EVI5L: variants seen among roughly 807,000 people sequenced by gnomAD.
EVI5L encodes EVI5-like protein.
EVI5L carries 30 observed loss-of-function variants against 106.1 expected under a neutral mutation model. That is an observed-to-expected ratio of 0.28 (90% CI 0.21 to 0.38). EVI5L has a LOEUF of 0.38. Among genes scored for constraint, EVI5L ranks in the 10% least tolerant of loss-of-function variants. The probability of loss-of-function intolerance (pLI) is 1.00; values close to 1 mark genes in which losing one functional copy is unlikely to be tolerated. For synonymous variants in EVI5L, 489 were observed against 483.3 expected (o/e 1.01, Z -0.15); for missense variants, 809 against 1,098.0 (o/e 0.74, Z 3.72).
intron 10 of EVI5L, 186 bp downstream of exon 10, chr19:7,853,519 C>T: frequency 1.3e-6 from 1 of 750,626 alleles, no homozygotes; most frequent in Admixed American, 2.8e-5. Context: ...GTGAGCGCCT[C>T]CCCCGCCTGA....
At chr19:7,860,714 G>T in intron 14 of EVI5L, 25 bp downstream of exon 14, 1 of 1,555,184 alleles carries the variant, frequency 6.4e-7, no homozygotes, top group South Asian at 1.2e-5. Context: ...CAGACGGGCA[G>T]GTGTCGGGGG....
chr19:7,838,356 C>T (rs558829038), intron 1 of EVI5L, among the ~76,000 whole-genome samples: 27 of 152,270 alleles, frequency 1.8e-4, no homozygotes, highest in African/African-American at 4.3e-4. Context: ...AGTGATCCGC[C>T]GGCCTTGGCC....
intron 1 of EVI5L, among the ~76,000 whole-genome samples, chr19:7,833,348 G>A (rs1040642089): frequency 3.3e-5 from 5 of 152,236 alleles, no homozygotes; most frequent in South Asian, 4.1e-4. Flanking sequence ...CCCCCGCCAT[G>A]TGCTCAGCAC....
intron 1 of EVI5L, among the ~76,000 whole-genome samples, chr19:7,836,024 G>A (rs1022783850): frequency 3.3e-5 from 5 of 151,930 alleles, no homozygotes; most frequent in African/African-American, 1.2e-4. Context: ...ATCACCTGAG[G>A]TTAGGAGTTC....
Position 7,851,439 on chromosome 19 carries a change from G to A in EVI5L, c.759G>A (p.Gln253=). Residue 253 remains glutamine, a synonymous_variant, in exon 7 of 20, where the codon CAG becomes CAA. Coordinates refer to ENST00000538904, the MANE Select transcript of EVI5L (RefSeq NM_001159944.3). ...IYQFEYMLQE[Q]LPDLNTHFRS... ...CCGGCCTCCCACCCCTGCAGGAGCA[G>A]CTCCCAGACCTCAACACCCACTTCC... is the stretch of plus-strand genomic sequence containing the variant. 1 of 1,610,322 alleles carries A rather than the reference G, an allele frequency of 6.2e-7. No individual in the cohort carries two copies. Among genetic ancestry groups the A allele is most frequent in the Non-Finnish European group, 8.5e-7 (1 of 1,178,298 alleles).
At chr19:7,854,968 CCTCA>C (rs1599574861) in intron 10 of EVI5L, among the ~76,000 whole-genome samples, 1 of 152,112 alleles carries the variant, frequency 6.6e-6, no homozygotes, top group East Asian at 1.9e-4. Flanking sequence ...GTGGCAGGGC[CCTCA>C]CTCACCTGCC....
chr19:7,856,052 T>G lies in EVI5L; in HGVS notation c.1184T>G (p.Ile395Ser). 7.5e-7 allele frequency: 1 copy of G among 1,329,860 alleles called. No individual in the cohort carries two copies. The highest frequency in any genetic ancestry group is 9.7e-7 in the Non-Finnish European group (1 of 1,030,344). 82.4% of individuals were successfully genotyped at this position (1,329,860 alleles called of 1,614,324 possible). The stretch of plus-strand genomic sequence containing the variant: ...GAGAACCGGCTCCTGAAACAGCGGA[T>G]TGAAACCCTAGAGAAGGTGAGGGGC... ...RTENRLLKQRIETLEKESAAL... is the reference protein window; with the variant it reads ...RTENRLLKQRSETLEKESAAL... The change falls in exon 11 of 20, where the codon ATT (isoleucine) becomes AGT (serine). Residue 395 changes from isoleucine to serine, a missense_variant. Around this residue, in one of 2 missense-constraint regions of EVI5L, gnomAD observed 357 missense variants for 588.1 expected, o/e 0.61. Transcript: ENST00000538904. The surrounding 1 kb of genome is among the most constrained non-coding windows in gnomAD (Gnocchi z 6.6).
At chr19:7,836,594 G>C (rs764343286) in intron 1 of EVI5L, among the ~76,000 whole-genome samples, 1 of 151,874 alleles carries the variant, frequency 6.6e-6, no homozygotes, top group Non-Finnish European at 1.5e-5. Context: ...TAAAGCCGTC[G>C]TTGGCTTTTC....
chr19:7,838,091 G>GCA (rs1568232507), intron 1 of EVI5L, among the ~76,000 whole-genome samples: 9 of 150,024 alleles, frequency 6.0e-5, no homozygotes, highest in Admixed American at 6.0e-4. Flanking sequence ...TTTTTTTTTG[G>GCA]TTGGTTTTTT....
At chr19:7,839,173 G>GCAC (rs1411800777) in intron 1 of EVI5L, among the ~76,000 whole-genome samples, 33 of 151,792 alleles carry the variant, frequency 2.2e-4, no homozygotes, top group African/African-American at 7.7e-4. Flanking sequence ...CGTGGCGGTG[G>GCAC]GTGCCTGTAG....
Position 7,863,712 on chromosome 19 carries a change from C to T in EVI5L, c.*10C>T, listed in dbSNP as rs1979977004. 4 of 1,454,988 alleles carry T rather than the reference C, an allele frequency of 2.7e-6. No homozygotes were observed. Among genetic ancestry groups the T allele is most frequent in the Non-Finnish European group, 3.6e-6 (4 of 1,107,776 alleles). The allele number at this position is 1,454,988 out of a possible 1,614,324, so 90.1% of individuals were successfully genotyped here. The stretch of plus-strand genomic sequence containing the variant: ...GGGTCTGGACAACTGAGGCCATGCC[C>T]AGCGCGCCCGGAGTCAGGAGGCCGC... On this transcript the variant is annotated 3_prime_UTR_variant, in exon 20 of 20. Transcript: ENST00000538904. This position sits in a 1 kb window ranked among gnomAD's most constrained non-coding sequence, Gnocchi z 7.7.
At chr19:7,854,281 C>CA (rs56186481) in intron 10 of EVI5L, among the ~76,000 whole-genome samples, 13,671 of 94,428 alleles carry the variant, frequency 0.14, 903 homozygotes, top group African/African-American at 0.24. Context: ...GACTGTGTCT[C>CA]AAAAAAAAAA....
intron 14 of EVI5L, among the ~76,000 whole-genome samples, chr19:7,861,166 A>T (rs1979783043): frequency 6.6e-6 from 1 of 152,046 alleles, no homozygotes; most frequent in South Asian, 2.1e-4. Context: ...CCATTCACAC[A>T]TTCAGCAGGA....
In EVI5L at chr19:7,862,350, C is replaced by T. The variant is rs201532372; in HGVS notation, c.1801-38C>T. On this transcript the variant is annotated intron_variant, in intron 16 of 19. Coordinates refer to ENST00000538904, the MANE Select transcript of EVI5L (RefSeq NM_001159944.3). ...GCCAGCCCCTGAGTTAGGCCCTGAC[C>T]GCCGCCGTCCTCCGTCCTCCCTTCC... 1.5e-5 allele frequency: 23 copies of T among 1,580,506 alleles called. No homozygotes were observed. The African/African-American group carries it at 2.7e-4, about 18-fold the overall frequency.
Position 7,850,575 on chromosome 19 carries a change from G to T in EVI5L, c.753+453G>T, listed in dbSNP as rs1643891662. 6.6e-6 allele frequency among the ~76,000 whole-genome samples: 1 copy of T among 152,180 alleles called. No individual in the cohort carries two copies. On this transcript the variant is annotated intron_variant, in intron 6 of 19. Coordinates refer to ENST00000538904, the MANE Select transcript of EVI5L (RefSeq NM_001159944.3). The surrounding 1 kb of genome is among the most constrained non-coding windows in gnomAD (Gnocchi z 5.4). ...GCAGGCAGAGCCGCCAAGGCCGTTTGCGAACATACACACACCCGCATGCAT... is the reference window on the plus strand; with the variant it reads ...GCAGGCAGAGCCGCCAAGGCCGTTTTCGAACATACACACACCCGCATGCAT...
At chr19:7,833,797 T>C (rs1978307974) in intron 1 of EVI5L, among the ~76,000 whole-genome samples, 2 of 152,224 alleles carry the variant, frequency 1.3e-5, no homozygotes, top group South Asian at 4.1e-4. Flanking sequence ...TTGGGAGAAC[T>C]TGGAAAGGCA....
intron 1 of EVI5L, among the ~76,000 whole-genome samples, chr19:7,832,118 G>A (rs924659032): frequency 3.9e-5 from 6 of 152,098 alleles, no homozygotes; most frequent in African/African-American, 4.8e-5. Context: ...CATCCATCCC[G>A]CCGCCCTCCC....
rs1467616212 is a variant in EVI5L at position 7,851,424 on chromosome 19, AC to A, written c.754-6del. 2 of 1,606,310 alleles carry A rather than the reference AC, an allele frequency of 1.2e-6. No homozygotes were observed. Among genetic ancestry groups the A allele is most frequent in the African/African-American group, 2.7e-5 (2 of 74,668 alleles). ...CCTCACTGTGCCCACCCGGCCTCCC[AC>A]CCCTGCAGGAGCAGCTCCCAGACCT... is the stretch of plus-strand genomic sequence containing the variant. On this transcript the variant is annotated splice_polypyrimidine_tract_variant and intron_variant, in intron 6 of 19. Transcript: ENST00000538904.
At chr19:7,836,981 T>C (rs1978368230) in intron 1 of EVI5L, among the ~76,000 whole-genome samples, 1 of 151,970 alleles carries the variant, frequency 6.6e-6, no homozygotes, top group Non-Finnish European at 1.5e-5. Flanking sequence ...GAGGATCCCC[T>C]GTGGCCAGGA....
Sources: allele counts gnomAD v4.1 joint callset (sites outside exome capture counted in the v4.1 genomes callset), GRCh38; gene constraint gnomAD v4.1.1; regional missense constraint gnomAD v4.1.1; non-coding constraint Gnocchi (gnomAD v3.1); transcripts MANE v1.5; gene names NCBI Gene and HGNC (gene_info 2026-07-23, HGNC 2026-07-21).